GALNT13: variants seen among roughly 807,000 people sequenced by gnomAD.
The protein encoded by GALNT13 is UDP-GalNAc:polypeptide N-acetylgalactosaminyltransferase 13.
Under a neutral mutation model 64.2 loss-of-function variants are expected in GALNT13, and 28 were observed. The observed-to-expected ratio is 0.44, with a 90% CI of 0.32 to 0.60. The LOEUF (loss-of-function observed/expected upper bound fraction) is 0.60. GALNT13 is among the 20% of genes least tolerant of loss of function. GALNT13 has a pLI of 0.05. For missense variants in GALNT13, 577 were observed against 669.8 expected (o/e 0.86, Z 1.53); for synonymous variants, 214 against 224.6 (o/e 0.95, Z 0.42).
chr2:153,672,046 A>G, the GALNT13 span, among the ~76,000 whole-genome samples: 2 of 152,238 alleles, frequency 1.3e-5, no homozygotes, highest in Non-Finnish European at 2.9e-5. Context: ...ACCCAGATTC[A>G]TAAAGCAAGT....
chr2:153,166,549 A>G, the GALNT13 span, among the ~76,000 whole-genome samples: 1 of 151,426 alleles, frequency 6.6e-6, no homozygotes, highest in Non-Finnish European at 1.5e-5. Flanking sequence ...CAGCAAGACA[A>G]CTTTAGAGAT....
chr2:153,391,961 A>G, the GALNT13 span, among the ~76,000 whole-genome samples: 14 of 149,642 alleles, frequency 9.4e-5, 1 homozygote, highest in South Asian at 2.3e-3. Flanking sequence ...TCTATATTTT[A>G]TAATATATTT....
the GALNT13 span, among the ~76,000 whole-genome samples, chr2:153,766,390 G>A: frequency 6.6e-6 from 1 of 152,092 alleles, no homozygotes; most frequent in Non-Finnish European, 1.5e-5. Context: ...CTTGCACATA[G>A]TCGTTGGCAT....
At chr2:153,856,232 T>C in the GALNT13 span, among the ~76,000 whole-genome samples, 2 of 101,066 alleles carry the variant, frequency 2.0e-5, no homozygotes, top group Non-Finnish European at 3.9e-5. Context: ...TTATAAATTG[T>C]ATCTCAATAA....
chr2:154,064,180 T>G (rs1700339988), intron 3 of GALNT13, among the ~76,000 whole-genome samples: 1 of 152,112 alleles, frequency 6.6e-6, no homozygotes, highest in African/African-American at 2.4e-5. Flanking sequence ...GGAAGGAGCA[T>G]GTACACCAGC....
chr2:153,576,123 T>C, the GALNT13 span, among the ~76,000 whole-genome samples: 2 of 151,990 alleles, frequency 1.3e-5, no homozygotes, highest in East Asian at 3.9e-4. Flanking sequence ...TGAGTTGGTA[T>C]CCAAGATGCA....
the GALNT13 span, among the ~76,000 whole-genome samples, chr2:153,568,498 T>TA: frequency 6.6e-6 from 1 of 152,254 alleles, no homozygotes; most frequent in Admixed American, 6.5e-5. Context: ...ACTGGTTTGT[T>TA]AGAGTGAAAT....
rs748273617 is a variant in GALNT13 at position 154,140,365 on chromosome 2, A to G, written c.171A>G (p.Pro57=). The change falls in exon 4 of 13, where the codon CCA becomes CCG. Residue 57 remains proline (P), a synonymous_variant. Transcript: ENST00000392825. ...RAVISRNQEG[P]GEMGKAVLIP... Reference sequence around the variant, plus strand: ...TTATTTCAAGAAACCAAGAAGGGCCAGGAGAAATGGGAAAAGCTGTGTTGA... The same window carrying G: ...TTATTTCAAGAAACCAAGAAGGGCCGGGAGAAATGGGAAAAGCTGTGTTGA... 1.2e-5 allele frequency: 20 copies of G among 1,613,036 alleles called. No homozygotes were observed. The highest frequency in any genetic ancestry group is 1.6e-5 in the Non-Finnish European group (19 of 1,179,232).
chr2:153,266,486 A>G, the GALNT13 span, among the ~76,000 whole-genome samples: 2 of 152,184 alleles, frequency 1.3e-5, no homozygotes, highest in Non-Finnish European at 2.9e-5. Flanking sequence ...ATTGACTCAC[A>G]GTTTTACATG....
At chr2:153,370,289 A>C in the GALNT13 span, among the ~76,000 whole-genome samples, 1 of 152,340 alleles carries the variant, frequency 6.6e-6, no homozygotes, top group African/African-American at 2.4e-5. Context: ...TCTAAGAAAT[A>C]AAGAGGAAAG....
chr2:153,924,876 C>A (rs1014897121), intron 2 of GALNT13, among the ~76,000 whole-genome samples: 5 of 152,024 alleles, frequency 3.3e-5, no homozygotes, highest in African/African-American at 1.2e-4. Context: ...AGTGTCTGCT[C>A]ATGTCCTTTG....
At chr2:154,342,313 C>T (rs1294039580) in intron 9 of GALNT13, among the ~76,000 whole-genome samples, 1 of 151,992 alleles carries the variant, frequency 6.6e-6, no homozygotes, top group Non-Finnish European at 1.5e-5. Flanking sequence ...AGAGTTAATT[C>T]ACCTCTCAAA....
chr2:153,076,613 T>A, the GALNT13 span, among the ~76,000 whole-genome samples: 5 of 152,170 alleles, frequency 3.3e-5, no homozygotes, highest in Non-Finnish European at 5.9e-5. Context: ...TACTATTGTA[T>A]AGTTGAGGAA....
chr2:154,006,746 G>A (rs752838362), intron 3 of GALNT13, among the ~76,000 whole-genome samples: 2 of 152,122 alleles, frequency 1.3e-5, no homozygotes, highest in Non-Finnish European at 2.9e-5. Context: ...CTAAGAAGCC[G>A]GAAGAAGTTT....
At chr2:153,140,351 G>A in the GALNT13 span, among the ~76,000 whole-genome samples, 2 of 151,992 alleles carry the variant, frequency 1.3e-5, no homozygotes, top group African/African-American at 4.8e-5. Flanking sequence ...GATGACCTTG[G>A]AGAAAGGAAG....
chr2:154,316,247 C>G (rs182949987), intron 9 of GALNT13, among the ~76,000 whole-genome samples: 2 of 152,214 alleles, frequency 1.3e-5, no homozygotes, highest in East Asian at 1.9e-4. Context: ...GCCATTTTAA[C>G]TTTCTAATTG....
Position 154,133,534 on chromosome 2 carries a change from TTATATATA to T in GALNT13, c.143-6759_143-6752del, listed in dbSNP as rs201083794. Among the ~76,000 whole-genome samples, 702 of 76,904 alleles carry T rather than the reference TTATATATA, an allele frequency of 9.1e-3. 7 individuals are homozygous for T. The highest frequency in any genetic ancestry group is 0.021 in the African/African-American group (332 of 15,936). 50.5% of individuals were successfully genotyped at this position (76,904 alleles called of 152,430 possible). A position where few individuals can be genotyped will look rare whatever the true frequency, so the allele number is the denominator to read the frequency against. ...TTTTTCAGTAACATAACAGACCATT[TTATATATA>T]TATATATATATATATATATATATAT... On this transcript the variant is annotated intron_variant, in intron 3 of 12. Transcript: ENST00000392825.
At chr2:153,417,164 C>A in the GALNT13 span, among the ~76,000 whole-genome samples, 1 of 152,082 alleles carries the variant, frequency 6.6e-6, no homozygotes, top group Non-Finnish European at 1.5e-5. Flanking sequence ...AGTGCTAAAT[C>A]CCTACAGGGA....
chr2:153,439,703 C>A, the GALNT13 span, among the ~76,000 whole-genome samples: 1 of 152,288 alleles, frequency 6.6e-6, no homozygotes, highest in East Asian at 1.9e-4. Context: ...CCCAATTTTC[C>A]AGGTGCCATC....
Sources: gnomAD v4.1 joint callset for allele counts (sites outside exome capture counted in the v4.1 genomes callset) on GRCh38, gnomAD v4.1.1 for gene constraint, MANE v1.5 for transcripts, NCBI Gene and HGNC (gene_info 2026-07-23, HGNC 2026-07-21) for gene names.